The following STK10 variants were observed in gnomAD, a reference collection of about 807,000 sequenced individuals.
STK10 encodes serine/threonine kinase 10.
A neutral mutation model predicts 113.8 loss-of-function variants in STK10; 78 were observed. The observed-to-expected ratio is 0.69, with a 90% CI of 0.57 to 0.83. The LOEUF is 0.83. Among genes scored for constraint, STK10 ranks in the 40% least tolerant of loss-of-function variants. The probability of loss-of-function intolerance (pLI) is 0.00; values close to 1 mark genes in which losing one functional copy is unlikely to be tolerated. For missense variants in STK10, 1,109 were observed against 1,280.1 expected, an observed-to-expected ratio of 0.87 and a Z score of 2.04; for synonymous variants, 465 against 494.7, an observed-to-expected ratio of 0.94 and a Z score of 0.80.
At chr5:172,106,013 G>A (rs900345215) in intron 6 of STK10, among the ~76,000 whole-genome samples, 13 of 152,194 alleles carry the variant, frequency 8.5e-5, no homozygotes, top group Admixed American at 2.6e-4. Context: ...CCGATGTCCC[G>A]CCCAGGGTGT....
intron 2 of STK10, among the ~76,000 whole-genome samples, chr5:172,155,583 G>C (rs13355059): frequency 0.014 from 2,056 of 150,134 alleles, 44 homozygotes; most frequent in African/African-American, 0.046. Flanking sequence ...TTGTTTATAA[G>C]AGCAAAATAA....
chr5:172,173,429 T>C (rs1770696663), intron 1 of STK10, among the ~76,000 whole-genome samples: 1 of 152,148 alleles, frequency 6.6e-6, no homozygotes, highest in East Asian at 1.9e-4. Flanking sequence ...CAGACAAGAC[T>C]GTGTGGAGCT....
intron 14 of STK10, among the ~76,000 whole-genome samples, chr5:172,059,951 C>G (rs879936227): frequency 2.0e-5 from 3 of 152,210 alleles, no homozygotes; most frequent in Non-Finnish European, 4.4e-5. Context: ...ATTAACTGTG[C>G]AACCTCAGTG....
chr5:172,073,793 C>CA (rs60492751), intron 12 of STK10, among the ~76,000 whole-genome samples: 1,105 of 58,372 alleles, frequency 0.019, 20 homozygotes, highest in Middle Eastern at 0.088. Context: ...CTAAAAATAG[C>CA]AAAAAAAAAA....
chr5:172,178,297 C>T (rs1360830798), intron 1 of STK10, among the ~76,000 whole-genome samples: 2 of 152,184 alleles, frequency 1.3e-5, no homozygotes, highest in Admixed American at 6.5e-5. Flanking sequence ...TCAGGCTCAA[C>T]GGCCAGCAGT....
chr5:172,059,097 G>A (rs1416762255), intron 14 of STK10, among the ~76,000 whole-genome samples: 5 of 151,530 alleles, frequency 3.3e-5, no homozygotes, highest in African/African-American at 7.3e-5. Flanking sequence ...GGGCATGGTG[G>A]CGGGCGCCTG....
chr5:172,103,438 G>A (rs1389874701), intron 7 of STK10, among the ~76,000 whole-genome samples: 1 of 152,160 alleles, frequency 6.6e-6, no homozygotes, highest in East Asian at 1.9e-4. Context: ...TGAGGCTGCA[G>A]CTCCGGAGCT....
chr5:172,171,670 GC>G (rs144316649), intron 1 of STK10, among the ~76,000 whole-genome samples: 29,305 of 150,912 alleles, frequency 0.19, 2,945 homozygotes, highest in Middle Eastern at 0.24. Flanking sequence ...AGCCAAGATC[GC>G]GTTACTGCAC....
chr5:172,187,808 C>T lies in STK10; in HGVS notation c.156+79G>A. On this transcript the variant is annotated intron_variant, in intron 1 of 18. Coordinates refer to ENST00000176763, the MANE Select transcript of STK10 (RefSeq NM_005990.4). This position sits in a 1 kb window ranked among gnomAD's most constrained non-coding sequence, Gnocchi z 4.6. ...GGCAGCCCTCGGAGCCGGAGCCAGG[C>T]TGGCCGGGTCCGGCTCAGGCATCCC... The T allele has an allele frequency of 6.4e-7, 1 of 1,557,184 alleles. No individual in the cohort carries two copies. Among genetic ancestry groups the T allele is most frequent in the Non-Finnish European group, 8.7e-7 (1 of 1,151,290 alleles).
At chr5:172,050,153 C>T (rs1767595940) in intron 18 of STK10, among the ~76,000 whole-genome samples, 1 of 152,218 alleles carries the variant, frequency 6.6e-6, no homozygotes, top group South Asian at 2.1e-4. Flanking sequence ...AAGCCAATTG[C>T]ACTTAAGATC....
chr5:172,095,992 A>G (rs1768840557), intron 8 of STK10, among the ~76,000 whole-genome samples: 1 of 152,208 alleles, frequency 6.6e-6, no homozygotes, highest in Non-Finnish European at 1.5e-5. Context: ...GTGCCCAGAC[A>G]TGGGTCCCCT....
chr5:172,130,645 T>G (rs1161745506), intron 2 of STK10, among the ~76,000 whole-genome samples: 1 of 152,144 alleles, frequency 6.6e-6, no homozygotes, highest in Non-Finnish European at 1.5e-5. Flanking sequence ...ATTGTAAACC[T>G]GGGGTCGAGT....
chr5:172,117,214 G>T (rs906952972), intron 4 of STK10, among the ~76,000 whole-genome samples: 4 of 152,126 alleles, frequency 2.6e-5, no homozygotes, highest in Admixed American at 1.3e-4. Flanking sequence ...GGGAGGTGGA[G>T]GTTGCAGTGA....
At position 172,188,001 on chromosome 5, in the gene STK10, G is replaced by A. The variant is rs775755522; in HGVS notation, c.42C>T (p.Thr14=). 1 of 1,613,428 alleles carries A rather than the reference G, an allele frequency of 6.2e-7. No individual in the cohort carries two copies. Among genetic ancestry groups the A allele is most frequent in the South Asian group, 1.1e-5 (1 of 91,084 alleles). ...ANFRRILRLS[T]FEKRKSREYE... ...ATTCGCGGGACTTTCTCTTCTCGAA[G>A]GTAGACAGGCGCAGGATGCGGCGGA... Residue 14 remains threonine, a synonymous_variant, in exon 1 of 19, where the codon ACC becomes ACT. Transcript: ENST00000176763. This position sits in a 1 kb window ranked among gnomAD's most constrained non-coding sequence, Gnocchi z 5.6.
In STK10 at chr5:172,055,630, G is replaced by A. The variant is rs752921971; in HGVS notation, c.2484C>T (p.Asn828=). ...MAMYKKSLHI[N]GGGSAAEQRE... is the part of the protein sequence containing the mutation. ...GCTGCTCAGCTGCGCTGCCCCCGCC[G>A]TTGATGTGGAGGCTCTTCTTGTACA... Residue 828 remains asparagine (N), a synonymous_variant, in exon 16 of 19, where the codon AAC becomes AAT. Coordinates refer to ENST00000176763, the MANE Select transcript of STK10 (RefSeq NM_005990.4). The A allele has an allele frequency of 3.5e-5, 54 of 1,560,782 alleles. No homozygotes were observed. The highest frequency in any genetic ancestry group is 5.9e-5 in the South Asian group (5 of 84,764).
intron 2 of STK10, among the ~76,000 whole-genome samples, chr5:172,150,250 G>A (rs1770192107): frequency 6.6e-6 from 1 of 151,946 alleles, no homozygotes; most frequent in South Asian, 2.1e-4. Flanking sequence ...GGAGGCTGAG[G>A]AGGTTGGATC....
chr5:172,159,310 G>A (rs957069010), intron 1 of STK10, among the ~76,000 whole-genome samples: 6 of 152,144 alleles, frequency 3.9e-5, no homozygotes, highest in Admixed American at 6.6e-5. Flanking sequence ...AATCCGAGGC[G>A]GGTGGCTTGC....
chr5:172,157,747 C>A (rs539524540), intron 1 of STK10, among the ~76,000 whole-genome samples: 14 of 151,970 alleles, frequency 9.2e-5, no homozygotes, highest in Non-Finnish European at 1.8e-4. Flanking sequence ...TGCACCACCA[C>A]GCCTGGCTAA....
chr5:172,162,736 C>T (rs1338049840), intron 1 of STK10, among the ~76,000 whole-genome samples: 1 of 152,188 alleles, frequency 6.6e-6, no homozygotes, highest in Admixed American at 6.5e-5. Flanking sequence ...CCAAGGGCCC[C>T]CCTTCAATCA....
Sources: allele counts gnomAD v4.1 joint callset (sites outside exome capture counted in the v4.1 genomes callset), GRCh38; gene constraint gnomAD v4.1.1; non-coding constraint Gnocchi (gnomAD v3.1); transcripts MANE v1.5; gene names NCBI Gene and HGNC (gene_info 2026-07-23, HGNC 2026-07-21).